The following FAM210A variants were observed in gnomAD, a reference collection of about 807,000 sequenced individuals.
FAM210A encodes the protein mitochondrial inner membrane scaffold 1.
In FAM210A, 13 loss-of-function variants were observed where a neutral mutation model predicts 25.3. The observed-to-expected ratio is 0.51, with a 90% CI of 0.33 to 0.82. FAM210A has a LOEUF of 0.82. Ranked by LOEUF, FAM210A falls within the 40% of genes least tolerant of loss-of-function variation. The pLI, the probability that FAM210A is intolerant of heterozygous loss-of-function variation, is 0.02. For synonymous variants in FAM210A, 125 were observed against 118.7 expected, an observed-to-expected ratio of 1.05 and a Z score of -0.35; for missense variants, 319 against 323.2, an observed-to-expected ratio of 0.99 and a Z score of 0.10.
chr18:13,697,430 G>A (rs1237413255), intron 1 of FAM210A: 2 of 165,796 alleles, frequency 1.2e-5, no homozygotes, highest in Non-Finnish European at 2.5e-5. Flanking sequence ...ACCACCAAAT[G>A]CTGGTGAGGA....
chr18:13,704,613 G>A (rs544850490), intron 1 of FAM210A, among the ~76,000 whole-genome samples: 6 of 152,262 alleles, frequency 3.9e-5, no homozygotes, highest in South Asian at 2.1e-4. Flanking sequence ...GGATACTACA[G>A]AGGGCCCCTG....
chr18:13,693,696 C>G (rs1384169115), intron 1 of FAM210A, among the ~76,000 whole-genome samples: 1 of 152,054 alleles, frequency 6.6e-6, no homozygotes, highest in Non-Finnish European at 1.5e-5. Flanking sequence ...ATTCAACAGC[C>G]CTTCATGCTA....
rs149135010 is a variant in FAM210A at position 13,673,733 on chromosome 18, A to G, written c.474-1760T>C. Reference sequence around the variant, plus strand: ...TGATTATTAACATTCCTGAGCCCCGACTTATTTCCAGTTCCCTGATTATTA... The same window carrying G: ...TGATTATTAACATTCCTGAGCCCCGGCTTATTTCCAGTTCCCTGATTATTA... On this transcript the variant is annotated intron_variant, in intron 2 of 3. Transcript: ENST00000651643. Among the ~76,000 whole-genome samples, 461 of 132,544 alleles carry G rather than the reference A, an allele frequency of 3.5e-3. 4 individuals are homozygous for G. The highest frequency in any genetic ancestry group is 0.03 in the East Asian group (126 of 4,232). The allele number at this position is 132,544 out of a possible 152,430, so 87.0% of individuals were successfully genotyped here. A position where few individuals can be genotyped will look rare whatever the true frequency, so the allele number is the denominator to read the frequency against.
intron 1 of FAM210A, among the ~76,000 whole-genome samples, chr18:13,695,754 C>A (rs532757049): frequency 7.2e-4 from 110 of 151,908 alleles, no homozygotes; most frequent in African/African-American, 2.6e-3. Flanking sequence ...GGAGATATAC[C>A]TAATGTAAAT....
At chr18:13,694,464 C>A (rs1317165802) in intron 1 of FAM210A, among the ~76,000 whole-genome samples, 2 of 152,228 alleles carry the variant, frequency 1.3e-5, no homozygotes, top group Admixed American at 1.3e-4. Context: ...TGACTTCAAA[C>A]TATACTACAA....
intron 1 of FAM210A, among the ~76,000 whole-genome samples, chr18:13,712,231 C>CT (rs1287299089): frequency 1.3e-5 from 2 of 152,112 alleles, no homozygotes; most frequent in African/African-American, 4.8e-5. Context: ...GAAAAATATA[C>CT]TATTAAGACA....
chr18:13,668,833 A>G (rs1283856019), intron 3 of FAM210A, among the ~76,000 whole-genome samples: 1 of 152,206 alleles, frequency 6.6e-6, no homozygotes, highest in Non-Finnish European at 1.5e-5. Context: ...CAGTAAAAAT[A>G]TGACATTCAT....
Position 13,671,977 on chromosome 18 carries a change from C to CA in FAM210A, c.474-5dup, listed in dbSNP as rs369611940. The CA allele has an allele frequency of 0.11, 119,174 of 1,128,322 alleles. 1 individual carries two copies. Among genetic ancestry groups the CA allele is most frequent in the East Asian group, 0.12 (3,727 of 30,758 alleles). 69.9% of individuals were successfully genotyped at this position (1,128,322 alleles called of 1,614,324 possible). A position where few individuals can be genotyped will look rare whatever the true frequency, so the allele number is the denominator to read the frequency against. ...AAAAGGAACGACATTCACTCCTCTACAAAAAAAAAAAAGTAATTTTCATAT... is the reference window on the plus strand; with the variant it reads ...AAAAGGAACGACATTCACTCCTCTACAAAAAAAAAAAAAGTAATTTTCATAT... On this transcript the variant is annotated splice_polypyrimidine_tract_variant and splice_region_variant and intron_variant, in intron 2 of 3. Coordinates refer to ENST00000651643, the MANE Select transcript of FAM210A (RefSeq NM_152352.4).
At chr18:13,683,561 G>A (rs1371990365) in intron 1 of FAM210A, among the ~76,000 whole-genome samples, 1 of 79,326 alleles carries the variant, frequency 1.3e-5, no homozygotes, top group Non-Finnish European at 2.5e-5. Flanking sequence ...AAGACTGCAA[G>A]CCTTTTTTTT....
At chr18:13,681,245 T>C (rs547841288) in intron 2 of FAM210A, among the ~76,000 whole-genome samples, 5 of 152,314 alleles carry the variant, frequency 3.3e-5, no homozygotes, top group East Asian at 3.9e-4. Flanking sequence ...ACGCACCTAA[T>C]TGGGTTTTTA....
chr18:13,691,590 G>A (rs2043645066), intron 1 of FAM210A, among the ~76,000 whole-genome samples: 1 of 151,932 alleles, frequency 6.6e-6, no homozygotes, highest in Admixed American at 6.6e-5. Flanking sequence ...GAAGAGAGTG[G>A]GGGTCAATAT....
chr18:13,671,498 T>C (rs1257052730), intron 3 of FAM210A, among the ~76,000 whole-genome samples: 7 of 152,262 alleles, frequency 4.6e-5, no homozygotes, highest in South Asian at 4.1e-4. Flanking sequence ...TTATGAATGA[T>C]CTACCAATTT....
chr18:13,692,355 A>T (rs2043653032), intron 1 of FAM210A, among the ~76,000 whole-genome samples: 1 of 152,188 alleles, frequency 6.6e-6, no homozygotes, highest in Non-Finnish European at 1.5e-5. Flanking sequence ...ACAGAAAGTT[A>T]ACAAGGATAT....
At chr18:13,711,158 G>A (rs2043818417) in intron 1 of FAM210A, among the ~76,000 whole-genome samples, 1 of 152,164 alleles carries the variant, frequency 6.6e-6, no homozygotes, top group South Asian at 2.1e-4. Context: ...GATCACCTGA[G>A]GTCAGGAGTT....
At chr18:13,691,492 A>G (rs2043644355) in intron 1 of FAM210A, among the ~76,000 whole-genome samples, 1 of 152,182 alleles carries the variant, frequency 6.6e-6, no homozygotes, top group Non-Finnish European at 1.5e-5. Flanking sequence ...AAAAACGTTA[A>G]GGGCAGCCAG....
rs1309190449 is a variant in FAM210A, at chr18:13,664,739, C to G, written c.*1741G>C. On this transcript the variant is annotated 3_prime_UTR_variant, in exon 4 of 4. Transcript: ENST00000651643. ...ATTCTAATATAGTAATTAGACTCAT[C>G]AAATACAAACTTTTTTTCCCCTTTA... 6.6e-6 allele frequency: 1 copy of G among 152,206 alleles called. No homozygotes were observed. The highest frequency in any genetic ancestry group is 1.5e-5 in the Non-Finnish European group (1 of 68,048). 9.4% of individuals were successfully genotyped at this position (152,206 alleles called of 1,614,324 possible). A position where few individuals can be genotyped will look rare whatever the true frequency, so the allele number is the denominator to read the frequency against.
At chr18:13,670,047 T>TA (rs1161660021) in intron 3 of FAM210A, among the ~76,000 whole-genome samples, 1 of 152,160 alleles carries the variant, frequency 6.6e-6, no homozygotes, top group Non-Finnish European at 1.5e-5. Context: ...CCATGACGCC[T>TA]ACAGCCTCAT....
chr18:13,676,626 A>G (rs1451428868), intron 2 of FAM210A, among the ~76,000 whole-genome samples: 1 of 152,250 alleles, frequency 6.6e-6, no homozygotes, highest in East Asian at 1.9e-4. Flanking sequence ...AACATACACA[A>G]TAGTCTACAG....
chr18:13,677,479 T>TCAGAA (rs1023571472), intron 2 of FAM210A, among the ~76,000 whole-genome samples: 2 of 152,134 alleles, frequency 1.3e-5, no homozygotes, highest in Admixed American at 6.5e-5. Context: ...GCACCAGTAA[T>TCAGAA]CAGAACAGAA....
Sources: allele counts gnomAD v4.1 joint callset (sites outside exome capture counted in the v4.1 genomes callset), GRCh38; gene constraint gnomAD v4.1.1; transcripts MANE v1.5; gene names NCBI Gene and HGNC (gene_info 2026-07-23, HGNC 2026-07-21).